The following IDE variants were observed in gnomAD, a reference collection of about 807,000 sequenced individuals.
IDE encodes insulin-degrading enzyme.
A neutral mutation model predicts 133.2 loss-of-function variants in IDE; 58 were observed. The ratio of observed to expected loss-of-function variants is 0.44; its 90% CI spans 0.35 to 0.54. The LOEUF is 0.54. IDE is among the 20% of genes least tolerant of loss of function. The pLI is 0.00. For synonymous variants in IDE, 396 were observed against 421.3 expected, an observed-to-expected ratio of 0.94 and a Z score of 0.73; for missense variants, 981 against 1,234.0, an observed-to-expected ratio of 0.79 and a Z score of 3.07.
chr10:92,487,906 T>G (rs942333039), intron 12 of IDE, among the ~76,000 whole-genome samples: 6 of 152,116 alleles, frequency 3.9e-5, no homozygotes, highest in African/African-American at 1.2e-4. Context: ...AAGTGATTCT[T>G]GTGCCTCAGC....
intron 2 of IDE, among the ~76,000 whole-genome samples, chr10:92,535,041 C>T (rs1286927239): frequency 6.6e-6 from 1 of 152,166 alleles, no homozygotes; most frequent in East Asian, 1.9e-4. Flanking sequence ...AGTTTCCCCA[C>T]ATGCCGGAGA....
chr10:92,556,564 C>T (rs182600524), intron 1 of IDE, among the ~76,000 whole-genome samples: 62 of 152,224 alleles, frequency 4.1e-4, no homozygotes, highest in East Asian at 7.7e-4. Context: ...TCGAGACCAG[C>T]CTGGCCAACA....
rs368941422 is a variant in IDE, at chr10:92,532,231, C to A, written c.492-314G>T. On this transcript the variant is annotated intron_variant, in intron 3 of 24. Transcript: ENST00000265986. ...TCTATTTAAGATTTTTAATTTGGTA[C>A]GTCTATAAAAACTTTGTTACATGTG... 2.1e-5 allele frequency among the ~76,000 whole-genome samples: 3 copies of A among 145,348 alleles called. No homozygotes were observed. In the East Asian group the frequency reaches 6.0e-4, roughly 29 times the overall value.
rs529900549 is a variant in IDE at position 92,569,446 on chromosome 10, G to A, written c.98+4476C>T. Among the ~76,000 whole-genome samples, 29 of 152,362 alleles carry A rather than the reference G, an allele frequency of 1.9e-4. 1 individual carries two copies. In the East Asian group the frequency reaches 5.0e-3, roughly 26 times the overall value. On this transcript the variant is annotated intron_variant, in intron 1 of 24. Coordinates refer to ENST00000265986, the MANE Select transcript of IDE (RefSeq NM_004969.4). The stretch of plus-strand genomic sequence containing the variant: ...AGTCAGTTCTAAAACCTGTTCAGGT[G>A]AGATAATCTCACTGATGTAAGATGT...
At chr10:92,551,132 CAGCCAAAAG>C (rs1416789866) in intron 1 of IDE, among the ~76,000 whole-genome samples, 1 of 152,198 alleles carries the variant, frequency 6.6e-6, no homozygotes, top group African/African-American at 2.4e-5. Context: ...GTACTGGCAA[CAGCCAAAAG>C]GTGGAAGTCA....
chr10:92,529,021 G>C (rs1208573090), intron 4 of IDE, among the ~76,000 whole-genome samples: 1 of 152,060 alleles, frequency 6.6e-6, no homozygotes, highest in East Asian at 1.9e-4. Context: ...AGGTTGCAGT[G>C]AGCCAAGATC....
At chr10:92,488,944 A>AAAG (rs1847182558) in intron 12 of IDE, among the ~76,000 whole-genome samples, 1 of 140,170 alleles carries the variant, frequency 7.1e-6, no homozygotes, top group Non-Finnish European at 1.6e-5. Context: ...AAAAAAAAAA[A>AAAG]AAAAAAAAAA....
At chr10:92,488,393 G>A (rs930707077) in intron 12 of IDE, among the ~76,000 whole-genome samples, 2 of 152,086 alleles carry the variant, frequency 1.3e-5, no homozygotes, top group African/African-American at 2.4e-5. Flanking sequence ...CACCACGCTC[G>A]GCTTTCAGTA....
intron 14 of IDE, among the ~76,000 whole-genome samples, chr10:92,481,982 C>T (rs1276808109): frequency 6.6e-6 from 1 of 152,142 alleles, no homozygotes; most frequent in African/African-American, 2.4e-5. Context: ...CAATAATAAG[C>T]CACAACCTGA....
At chr10:92,476,571 C>A (rs1313352275) in intron 15 of IDE, among the ~76,000 whole-genome samples, 1 of 152,046 alleles carries the variant, frequency 6.6e-6, no homozygotes, top group African/African-American at 2.4e-5. Flanking sequence ...AAGTGAACCT[C>A]CTGCCTCAGT....
At chr10:92,524,447 T>TATATATAATATATTTTATATAATATATAA (rs1564647991) in intron 4 of IDE, among the ~76,000 whole-genome samples, 1 of 10,736 alleles carries the variant, frequency 9.3e-5, no homozygotes, top group African/African-American at 4.4e-4. Flanking sequence ...ATAATATATT[T>TATATATAATATATTTTATATAATATATAA]TATATATTAT....
chr10:92,488,932 TAAAAAA>T (rs56377277), intron 12 of IDE, among the ~76,000 whole-genome samples: 17 of 78,970 alleles, frequency 2.2e-4, no homozygotes, highest in East Asian at 4.1e-4. Context: ...TTTCATTATT[TAAAAAA>T]AAAAAAAAAA....
At chr10:92,564,016 C>A (rs974792481) in intron 1 of IDE, among the ~76,000 whole-genome samples, 14 of 152,130 alleles carry the variant, frequency 9.2e-5, no homozygotes, top group African/African-American at 1.2e-4. Flanking sequence ...ATCTCTCTCA[C>A]TTTTGTAGTC....
At chr10:92,514,377 C>T (rs1350144723) in intron 5 of IDE, among the ~76,000 whole-genome samples, 1 of 146,094 alleles carries the variant, frequency 6.8e-6, no homozygotes, top group Non-Finnish European at 1.5e-5. Context: ...TCATCATCTG[C>T]TTTTTTTTTT....
intron 11 of IDE, among the ~76,000 whole-genome samples, chr10:92,492,121 G>A (rs1259033445): frequency 2.0e-5 from 3 of 151,976 alleles, no homozygotes; most frequent in Non-Finnish European, 2.9e-5. Flanking sequence ...TTAGCCGGGT[G>A]TGGTGGCGGG....
intron 1 of IDE, among the ~76,000 whole-genome samples, chr10:92,556,228 T>C (rs933127643): frequency 6.6e-6 from 1 of 151,294 alleles, no homozygotes; most frequent in African/African-American, 2.4e-5. Flanking sequence ...TTAGCTCCAT[T>C]TGCAGAAGAC....
chr10:92,525,334 A>C (rs1006359109), intron 4 of IDE, among the ~76,000 whole-genome samples: 4 of 152,218 alleles, frequency 2.6e-5, no homozygotes, highest in Non-Finnish European at 5.9e-5. Flanking sequence ...CATTCAATAA[A>C]ATTCAACATC....
intron 2 of IDE, 108 bp from the exon 3 acceptor site, chr10:92,534,893 G>C: frequency 1.3e-6 from 1 of 752,194 alleles, no homozygotes; most frequent in East Asian, 2.5e-5. Flanking sequence ...TATATAATCA[G>C]AGAAAGTTAA....
chr10:92,463,340 T>G (rs1367029953), intron 21 of IDE, among the ~76,000 whole-genome samples: 1 of 152,234 alleles, frequency 6.6e-6, no homozygotes, highest in Non-Finnish European at 1.5e-5. Flanking sequence ...TGAACTCCTG[T>G]GCCTCAAGGG....
Sources: allele counts gnomAD v4.1 joint callset (sites outside exome capture counted in the v4.1 genomes callset), GRCh38; gene constraint gnomAD v4.1.1; transcripts MANE v1.5; gene names NCBI Gene and HGNC (gene_info 2026-07-23, HGNC 2026-07-21).